The following PDE4D variants were observed in gnomAD, a reference collection of about 807,000 sequenced individuals.
PDE4D encodes phosphodiesterase 4D, also known as 3',5'-cyclic-AMP phosphodiesterase 4D.
A neutral mutation model predicts 87.4 loss-of-function variants in PDE4D; 24 were observed. That is an observed-to-expected ratio of 0.27 (90% CI 0.20 to 0.39). PDE4D has a LOEUF of 0.39. Among genes scored for constraint, PDE4D ranks in the 10% least tolerant of loss-of-function variants. The pLI, the probability that PDE4D is intolerant of heterozygous loss-of-function variation, is 1.00. For missense variants in PDE4D, 714 were observed against 1,041.0 expected, an observed-to-expected ratio of 0.69 and a Z score of 4.32; for synonymous variants, 384 against 383.2, an observed-to-expected ratio of 1.00 and a Z score of -0.02.
intron 1 of PDE4D, among the ~76,000 whole-genome samples, chr5:59,466,312 C>T (rs1477109123): frequency 6.6e-6 from 1 of 152,188 alleles, no homozygotes; most frequent in Non-Finnish European, 1.5e-5. Flanking sequence ...CAATCTGCTA[C>T]CTTGCAACCA....
At chr5:59,220,522 T>G (rs1195533148) in intron 1 of PDE4D, among the ~76,000 whole-genome samples, 4 of 151,970 alleles carry the variant, frequency 2.6e-5, no homozygotes, top group African/African-American at 9.7e-5. Context: ...GGGGTTTGCC[T>G]TGAGTAGGGA....
At chr5:60,268,037 T>C (rs1282778943) in intron 1 of PDE4D, among the ~76,000 whole-genome samples, 3 of 152,050 alleles carry the variant, frequency 2.0e-5, no homozygotes, top group African/African-American at 4.8e-5. Flanking sequence ...ATGAGACCTT[T>C]CCAAGCCCTA....
intron 1 of PDE4D, among the ~76,000 whole-genome samples, chr5:59,239,311 T>C (rs942712611): frequency 6.6e-6 from 1 of 152,146 alleles, no homozygotes; most frequent in African/African-American, 2.4e-5. Flanking sequence ...TCACCGGAGA[T>C]CTTACCACCT....
intron 2 of PDE4D, among the ~76,000 whole-genome samples, chr5:59,201,450 T>A (rs578071904): frequency 6.6e-6 from 1 of 152,274 alleles, no homozygotes; most frequent in Non-Finnish European, 1.5e-5. Flanking sequence ...AAAATAATGT[T>A]CACTCTGACA....
At chr5:59,839,246 G>T (rs902006963) in intron 1 of PDE4D, among the ~76,000 whole-genome samples, 6 of 151,456 alleles carry the variant, frequency 4.0e-5, no homozygotes, top group Admixed American at 2.0e-4. Context: ...CACAGGCCTG[G>T]GGAAAACCCC....
At chr5:59,312,153 C>T (rs1024240634) in intron 1 of PDE4D, among the ~76,000 whole-genome samples, 11 of 152,186 alleles carry the variant, frequency 7.2e-5, no homozygotes, top group African/African-American at 2.7e-4. Context: ...GGTCCAGATC[C>T]CCTTTTCCAT....
intron 1 of PDE4D, among the ~76,000 whole-genome samples, chr5:59,740,900 A>G (rs1293795187): frequency 1.3e-5 from 2 of 152,208 alleles, no homozygotes; most frequent in African/African-American, 4.8e-5. Flanking sequence ...CTATTAATTC[A>G]TTTCTACATA....
intron 2 of PDE4D, among the ~76,000 whole-genome samples, chr5:60,090,880 C>T (rs13160073): frequency 0.14 from 21,037 of 152,092 alleles, 1,504 homozygotes; most frequent in Middle Eastern, 0.22. Context: ...TATATACCAA[C>T]AGTGAACAAT....
intron 1 of PDE4D, among the ~76,000 whole-genome samples, chr5:60,399,248 GA>G (rs1455637070): frequency 6.6e-6 from 1 of 152,126 alleles, no homozygotes; most frequent in Non-Finnish European, 1.5e-5. Flanking sequence ...AAGCTATAAA[GA>G]AAAGGAACTG....
At position 59,215,838 on chromosome 5, in the gene PDE4D, C is replaced by T. The variant is rs1010105315; in HGVS notation, c.586G>A (p.Asp196Asn). Residue 196 changes from aspartate to asparagine, a missense_variant, in exon 2 of 15, where the codon GAC becomes AAC. Asp to Asn is a conservative substitution (Grantham distance 23). This residue lies in a region of PDE4D where 90 missense variants were observed against 177.6 expected (regional missense o/e 0.51). Coordinates refer to ENST00000340635, the MANE Select transcript of PDE4D (RefSeq NM_001104631.2). ...TTTGGAGAGAGGTCATAATCGCTGTCGGATCGATACAGGAAGGACTCCCGT... is the reference window on the plus strand; with the variant it reads ...TTTGGAGAGAGGTCATAATCGCTGTTGGATCGATACAGGAAGGACTCCCGT... ...QRRESFLYRS[D>N]SDYDLSPKSM... The T allele has an allele frequency of 8.1e-6, 13 of 1,613,588 alleles. No homozygotes were observed. Among genetic ancestry groups the T allele is most frequent in the South Asian group, 1.1e-5 (1 of 91,078 alleles).
chr5:59,180,554 C>T (rs1741289249), intron 5 of PDE4D, 41 bp downstream of exon 5: 1 of 1,573,018 alleles, frequency 6.4e-7, no homozygotes, highest in African/African-American at 1.3e-5. Flanking sequence ...GAAATGGTTT[C>T]TTCCTAGACA....
chr5:60,220,675 A>C (rs1371180934), intron 1 of PDE4D, among the ~76,000 whole-genome samples: 1 of 152,030 alleles, frequency 6.6e-6, no homozygotes, highest in Non-Finnish European at 1.5e-5. Context: ...TTGCAGAAAA[A>C]ACCTTCCCCA....
chr5:60,050,006 G>A (rs1769893710), intron 2 of PDE4D, among the ~76,000 whole-genome samples: 2 of 152,204 alleles, frequency 1.3e-5, no homozygotes, highest in Non-Finnish European at 2.9e-5. Flanking sequence ...TGCTGTGCTA[G>A]CAATCAGCGA....
At chr5:60,220,130 G>T (rs1744318437) in intron 1 of PDE4D, among the ~76,000 whole-genome samples, 1 of 152,112 alleles carries the variant, frequency 6.6e-6, no homozygotes, top group Non-Finnish European at 1.5e-5. Flanking sequence ...AAAACTCCCA[G>T]GTCTCCAGGC....
At chr5:58,988,644 TA>T in intron 10 of PDE4D, 52 bp from the exon 11 acceptor site, 1 of 747,130 alleles carries the variant, frequency 1.3e-6, no homozygotes, top group Middle Eastern at 3.3e-4. Context: ...TGATATGAAT[TA>T]AAAGTATAAA....
intron 2 of PDE4D, among the ~76,000 whole-genome samples, chr5:60,017,496 G>A (rs1441406916): frequency 2.6e-5 from 4 of 151,956 alleles, no homozygotes; most frequent in African/African-American, 9.7e-5. Context: ...CCCTCCCTTT[G>A]TCCATGTGTT....
intron 1 of PDE4D, among the ~76,000 whole-genome samples, chr5:59,761,056 T>TTACACA (rs1761903492): frequency 6.6e-6 from 1 of 152,236 alleles, no homozygotes; most frequent in African/African-American, 2.4e-5. Context: ...CTAGATGGTA[T>TTACACA]AGCCTATTGC....
chr5:59,911,310 G>C (rs560937980), intron 3 of PDE4D, among the ~76,000 whole-genome samples: 7 of 152,152 alleles, frequency 4.6e-5, no homozygotes, highest in Non-Finnish European at 8.8e-5. Flanking sequence ...TTTGGACCCT[G>C]AACTCGAAGG....
intron 2 of PDE4D, among the ~76,000 whole-genome samples, chr5:60,104,133 T>G (rs577958829): frequency 3.3e-4 from 51 of 152,274 alleles, no homozygotes; most frequent in Non-Finnish European, 7.1e-4. Flanking sequence ...AGACAATACC[T>G]GGAAAATCAG....
Sources: gnomAD v4.1 joint callset for allele counts (sites outside exome capture counted in the v4.1 genomes callset) on GRCh38, gnomAD v4.1.1 for gene constraint, gnomAD v4.1.1 regional missense constraint, MANE v1.5 for transcripts, NCBI Gene and HGNC (gene_info 2026-07-23, HGNC 2026-07-21) for gene names.